Variants in PKIG observed in about 807,000 individuals in gnomAD.
PKIG encodes the protein cAMP-dependent protein kinase inhibitor gamma, also known as protein kinase (cAMP-dependent, catalytic) inhibitor gamma.
In PKIG, 1 loss-of-function variant was observed where a neutral mutation model predicts 6.8. The observed-to-expected ratio is 0.15, with a 90% CI of 0.05 to 0.69. The LOEUF is 0.69. PKIG is among the 30% of genes least tolerant of loss of function. The probability of loss-of-function intolerance (pLI) is 0.82; values close to 1 mark genes in which losing one functional copy is unlikely to be tolerated. For missense variants in PKIG, 77 were observed against 104.0 expected, an observed-to-expected ratio of 0.74 and a Z score of 1.13; for synonymous variants, 39 against 43.0, an observed-to-expected ratio of 0.91 and a Z score of 0.36.
intron 1 of PKIG, among the ~76,000 whole-genome samples, chr20:44,553,939 G>C (rs1208042323): frequency 6.6e-6 from 1 of 152,116 alleles, no homozygotes; most frequent in Non-Finnish European, 1.5e-5. Flanking sequence ...TCTTGGGGTC[G>C]AGAGAAGAGC....
chr20:44,600,612 A>G (rs994695508), intron 2 of PKIG, among the ~76,000 whole-genome samples: 3 of 152,000 alleles, frequency 2.0e-5, no homozygotes, highest in African/African-American at 7.3e-5. Context: ...TTGGGAGGCC[A>G]AGGTGGGAGG....
At chr20:44,596,082 C>T (rs1036034703) in intron 2 of PKIG, among the ~76,000 whole-genome samples, 1 of 152,096 alleles carries the variant, frequency 6.6e-6, no homozygotes, top group Non-Finnish European at 1.5e-5. Context: ...ATCTATATGT[C>T]AGGAGCTGTG....
intron 1 of PKIG, among the ~76,000 whole-genome samples, chr20:44,548,225 G>A (rs2064634358): frequency 1.3e-5 from 2 of 152,124 alleles, no homozygotes; most frequent in Admixed American, 6.6e-5. Flanking sequence ...CACACAGGCA[G>A]TGGAATAATA....
At chr20:44,581,071 A>G (rs763887973), upstream of PKIG, among the ~76,000 whole-genome samples, 2 of 152,124 alleles carry the variant, frequency 1.3e-5, no homozygotes, top group Admixed American at 1.3e-4. Context: ...TGGCATTGGC[A>G]TTGGCATGTG....
chr20:44,560,873 TCAC>T (rs2064760902), intron 1 of PKIG, among the ~76,000 whole-genome samples: 1 of 152,136 alleles, frequency 6.6e-6, no homozygotes, highest in Non-Finnish European at 1.5e-5. Context: ...TTTTATGTAA[TCAC>T]TAGCACATGG....
intron 1 of PKIG, among the ~76,000 whole-genome samples, chr20:44,549,134 A>C (rs931674692): frequency 6.6e-6 from 1 of 152,214 alleles, no homozygotes; most frequent in African/African-American, 2.4e-5. Context: ...TGACTTTTTA[A>C]AAGTTTGATT....
chr20:44,610,570 TG>T (rs1160540809), intron 2 of PKIG, among the ~76,000 whole-genome samples: 2 of 150,010 alleles, frequency 1.3e-5, no homozygotes, highest in Non-Finnish European at 3.0e-5. Flanking sequence ...GGGTGCCTTC[TG>T]GGCACTTCTG....
In PKIG at chr20:44,609,643, C is replaced by T. The variant is rs1223298813; in HGVS notation, c.-23-4891C>T. Among the ~76,000 whole-genome samples the T allele has an allele frequency of 2.0e-5, 3 of 152,210 alleles. 1 individual carries two copies. The highest frequency in any genetic ancestry group is 4.8e-5 in the African/African-American group (2 of 41,460). On this transcript the variant is annotated intron_variant, in intron 2 of 3. Transcript: ENST00000372886. Reference sequence around the variant, plus strand: ...ATGCAGCGGCCAGAACCTGTTGGCTCAGCTGCCAGGATTAGGTTTCAGCTG... The same window carrying T: ...ATGCAGCGGCCAGAACCTGTTGGCTTAGCTGCCAGGATTAGGTTTCAGCTG...
intron 1 of PKIG, among the ~76,000 whole-genome samples, chr20:44,547,901 G>T (rs994546391): frequency 6.6e-6 from 1 of 152,068 alleles, no homozygotes; most frequent in Non-Finnish European, 1.5e-5. Flanking sequence ...AATAGGCTGG[G>T]CATGGTGGCT....
At chr20:44,606,712 G>A (rs567042787) in intron 2 of PKIG, among the ~76,000 whole-genome samples, 7 of 152,362 alleles carry the variant, frequency 4.6e-5, no homozygotes, top group African/African-American at 7.2e-5. Context: ...GGGAGGCTGA[G>A]GCAGGAAAAT....
At chr20:44,539,947 C>T (rs537661384) in intron 1 of PKIG, among the ~76,000 whole-genome samples, 1 of 152,022 alleles carries the variant, frequency 6.6e-6, no homozygotes, top group African/African-American at 2.4e-5. Context: ...TGACTGATTA[C>T]ATCTATTTAT....
intron 3 of PKIG, among the ~76,000 whole-genome samples, chr20:44,617,697 A>C (rs546920042): frequency 2.6e-5 from 4 of 152,204 alleles, no homozygotes; most frequent in Admixed American, 1.3e-4. Context: ...ACTCTGATGC[A>C]GGCCACACCC....
chr20:44,533,678 T>C (rs1037737090), intron 1 of PKIG, among the ~76,000 whole-genome samples: 15 of 150,894 alleles, frequency 9.9e-5, no homozygotes, highest in Admixed American at 2.0e-4. Flanking sequence ...TCCAGAGAGG[T>C]TGACAAAAAA....
At chr20:44,595,222 C>G (rs1003941011) in intron 2 of PKIG, among the ~76,000 whole-genome samples, 2 of 152,176 alleles carry the variant, frequency 1.3e-5, no homozygotes, top group African/African-American at 4.8e-5. Context: ...CACACACACG[C>G]AGAGAATATA....
chr20:44,594,904 T>C (rs1423979243), intron 2 of PKIG, among the ~76,000 whole-genome samples: 1 of 152,230 alleles, frequency 6.6e-6, no homozygotes, highest in East Asian at 1.9e-4. Flanking sequence ...TGGCTGCTTA[T>C]CAGCAAGGCT....
intron 3 of PKIG, among the ~76,000 whole-genome samples, chr20:44,617,712 G>A (rs1282274111): frequency 6.6e-6 from 1 of 152,020 alleles, no homozygotes; most frequent in Non-Finnish European, 1.5e-5. Context: ...ACACCCTGGC[G>A]CTCCCTGAGC....
chr20:44,562,015 A>G (rs1165624757), intron 1 of PKIG, among the ~76,000 whole-genome samples: 1 of 152,312 alleles, frequency 6.6e-6, no homozygotes, highest in East Asian at 1.9e-4. Context: ...GAAGCTAGGC[A>G]TGGTGGTGCA....
chr20:44,554,984 T>C (rs981787476), intron 1 of PKIG, among the ~76,000 whole-genome samples: 2 of 152,192 alleles, frequency 1.3e-5, no homozygotes, highest in African/African-American at 4.8e-5. Context: ...CGGTTTTGGG[T>C]TTTACAGATT....
chr20:44,536,125 G>C (rs993008461), intron 1 of PKIG, among the ~76,000 whole-genome samples: 1 of 152,206 alleles, frequency 6.6e-6, no homozygotes, highest in Non-Finnish European at 1.5e-5. Context: ...TCCTTGTTGT[G>C]TAGCATGTGT....
Sources: allele counts gnomAD v4.1 joint callset (sites outside exome capture counted in the v4.1 genomes callset), GRCh38; gene constraint gnomAD v4.1.1; transcripts MANE v1.5; gene names NCBI Gene and HGNC (gene_info 2026-07-23, HGNC 2026-07-21).